Variants in SPNS2 observed in about 807,000 individuals in gnomAD.
SPNS2 encodes sphingosine-1-phosphate transporter SPNS2.
SPNS2 carries 37 observed loss-of-function variants against 57.6 expected under a neutral mutation model. The ratio of observed to expected loss-of-function variants is 0.64; its 90% CI spans 0.49 to 0.85. SPNS2 has a LOEUF of 0.85. Ranked by LOEUF, SPNS2 falls within the 40% of genes least tolerant of loss-of-function variation. SPNS2 has a pLI of 0.00. For missense variants in SPNS2, 831 were observed against 779.1 expected (o/e 1.07, Z -0.79); for synonymous variants, 440 against 346.9 (o/e 1.27, Z -2.98).
At chr17:4,502,604 C>G (rs1379576986) in intron 1 of SPNS2, among the ~76,000 whole-genome samples, 1 of 152,278 alleles carries the variant, frequency 6.6e-6, no homozygotes, top group South Asian at 2.1e-4. Context: ...GCCGTGTGAC[C>G]TTGAAGACAT....
rs932289332 is a variant in SPNS2, at chr17:4,510,061, G to T, written c.371-3186G>T. Among the ~76,000 whole-genome samples, 1 of 152,226 alleles carries T rather than the reference G, an allele frequency of 6.6e-6. No individual in the cohort carries two copies. Among genetic ancestry groups the T allele is most frequent in the South Asian group, 2.1e-4 (1 of 4,834 alleles). ...TGGAGCCCAAAGGAAAATCTGAGGCGACCCGCCGAGCTGCTGTGACACACG... is the reference window on the plus strand; with the variant it reads ...TGGAGCCCAAAGGAAAATCTGAGGCTACCCGCCGAGCTGCTGTGACACACG... On this transcript the variant is annotated intron_variant, in intron 1 of 12. Coordinates refer to ENST00000329078, the MANE Select transcript of SPNS2 (RefSeq NM_001124758.3). This position sits in a 1 kb window ranked among gnomAD's most constrained non-coding sequence, Gnocchi z 4.4.
intron 2 of SPNS2, among the ~76,000 whole-genome samples, chr17:4,514,790 C>G (rs1395787260): frequency 6.6e-6 from 1 of 152,240 alleles, no homozygotes; most frequent in Non-Finnish European, 1.5e-5. Flanking sequence ...GTGACCAGCA[C>G]TGCAGCTGGG....
rs555890176 is a variant in SPNS2 at position 4,510,914 on chromosome 17, C to T, written c.371-2333C>T. 1.1e-4 allele frequency among the ~76,000 whole-genome samples: 17 copies of T among 152,310 alleles called. No homozygotes were observed. In the East Asian group the frequency reaches 2.3e-3, roughly 21 times the overall value. ...AGCTTTGGTTTTTGGCAATAGACCT[C>T]GTTTCAGATCTCACCTCCAAAACAG... is the stretch of plus-strand genomic sequence containing the variant. On this transcript the variant is annotated intron_variant, in intron 1 of 12. Coordinates refer to ENST00000329078, the MANE Select transcript of SPNS2 (RefSeq NM_001124758.3). This position sits in a 1 kb window ranked among gnomAD's most constrained non-coding sequence, Gnocchi z 4.4.
intron 11 of SPNS2, 33 bp downstream of exon 11, chr17:4,536,459 C>A: frequency 6.3e-7 from 1 of 1,576,612 alleles, no homozygotes. Context: ...CCTGCTGCAC[C>A]GCCGGGAAGC....
intron 8 of SPNS2, 60 bp downstream of exon 8, chr17:4,533,492 G>A: frequency 6.7e-7 from 1 of 1,495,870 alleles, no homozygotes; most frequent in Non-Finnish European, 9.0e-7. Flanking sequence ...GGGAGGGTCT[G>A]GAACAGGACA....
chr17:4,538,620 CTGGTGCGGGGG>C lies in SPNS2; in HGVS notation c.*1176_*1186del. 2.1e-6 allele frequency: 1 copy of C among 471,284 alleles called. No individual in the cohort carries two copies. Among genetic ancestry groups the C allele is most frequent in the Non-Finnish European group, 3.8e-6 (1 of 261,220 alleles). 29.2% of individuals were successfully genotyped at this position (471,284 alleles called of 1,614,324 possible). A position where few individuals can be genotyped will look rare whatever the true frequency, so the allele number is the denominator to read the frequency against. On this transcript the variant is annotated 3_prime_UTR_variant, in exon 13 of 13. Transcript: ENST00000329078. ...CACTTCTGCTGCAATCAAGGTGGTT[CTGGTGCGGGGG>C]TGGGGTGGGGGGTGAGGCCTTGTGG...
chr17:4,529,680 G>GA (rs71367830), intron 3 of SPNS2, among the ~76,000 whole-genome samples: 38,938 of 150,292 alleles, frequency 0.26, 5,542 homozygotes, highest in Non-Finnish European at 0.33. Flanking sequence ...GAAAAAAGAA[G>GA]AAAAAAAAAG....
chr17:4,517,812 G>A (rs1282077954), intron 2 of SPNS2, among the ~76,000 whole-genome samples: 1 of 152,120 alleles, frequency 6.6e-6, no homozygotes, highest in Non-Finnish European at 1.5e-5. Flanking sequence ...GGACTTGTAA[G>A]ACAAGAACAG....
intron 5 of SPNS2, among the ~76,000 whole-genome samples, chr17:4,531,590 A>G (rs1256662188): frequency 6.6e-6 from 1 of 152,002 alleles, no homozygotes; most frequent in Non-Finnish European, 1.5e-5. Flanking sequence ...CGGAGGAAAC[A>G]GAGATCCCTC....
chr17:4,521,408 C>T (rs1464878577), intron 2 of SPNS2, among the ~76,000 whole-genome samples: 2 of 152,218 alleles, frequency 1.3e-5, no homozygotes, highest in Non-Finnish European at 2.9e-5. Flanking sequence ...ATAATTTCTG[C>T]CTTGACTAAT....
chr17:4,533,089 G>C lies in SPNS2; in HGVS notation c.1048G>C (p.Ala350Pro), dbSNP rs1242200049. The C allele has an allele frequency of 1.2e-6, 2 of 1,612,856 alleles. No homozygotes were observed. The highest frequency in any genetic ancestry group is 1.7e-6 in the Non-Finnish European group (2 of 1,179,704). The change falls in exon 7 of 13, where the codon GCA becomes CCA. Residue 350 changes from alanine (A) to proline (P), a missense_variant. Transcript: ENST00000329078. ...LHRAQVVQKT[A>P]ETCNSPPCGA... ...CCGCGCCCAAGTTGTGCAGAAGACA[G>C]CAGAGACGTGCAACAGCCCGCCCTG...
chr17:4,519,614 C>A (rs1342962778), intron 2 of SPNS2, among the ~76,000 whole-genome samples: 1 of 428 alleles, frequency 2.3e-3, no homozygotes, highest in African/African-American at 6.7e-3. Flanking sequence ...AGCACACCCT[C>A]CACAGGATGT....
At chr17:4,522,497 AG>A (rs774750662) in intron 2 of SPNS2, among the ~76,000 whole-genome samples, 1 of 152,184 alleles carries the variant, frequency 6.6e-6, no homozygotes, top group Non-Finnish European at 1.5e-5. Context: ...AAAGAGGGGC[AG>A]TCACTCCTCC....
Position 4,536,434 on chromosome 17 carries a change from G to GGC in SPNS2, c.1607+9_1607+10insCG. ...CGCCAGGGCTGAGCAGCAGTGAGTG[G>GGC]GGGGGAGGGGAGGCCCTGCTGCACC... On this transcript the variant is annotated intron_variant, in intron 11 of 12. Coordinates refer to ENST00000329078, the MANE Select transcript of SPNS2 (RefSeq NM_001124758.3). 1.3e-6 allele frequency: 2 copies of GGC among 1,591,404 alleles called. No individual in the cohort carries two copies. Among genetic ancestry groups the GGC allele is most frequent in the Non-Finnish European group, 1.7e-6 (2 of 1,174,370 alleles).
Position 4,530,647 on chromosome 17 carries a change from G to A in SPNS2, c.589G>A (p.Val197Ile). The stretch of plus-strand genomic sequence containing the variant: ...CTCCTCACAGTACTTCTGGCTGCTG[G>A]TCCTGTCCCGGGGGCTGGTGGGCAT... ...FIPQQYFWLL[V>I]LSRGLVGIGE... The change falls in exon 4 of 13, where the codon GTC (valine) becomes ATC (isoleucine). Residue 197 changes from valine (V) to isoleucine (I), a missense_variant. Physicochemically the swap from Val to Ile is conservative, Grantham distance 29 (BLOSUM62 3). Coordinates refer to ENST00000329078, the MANE Select transcript of SPNS2 (RefSeq NM_001124758.3). The A allele has an allele frequency of 6.2e-7, 1 of 1,612,928 alleles. No individual in the cohort carries two copies. The highest frequency in any genetic ancestry group is 8.5e-7 in the Non-Finnish European group (1 of 1,179,664).
At chr17:4,533,191 C>T (rs1905579880) in intron 7 of SPNS2, 52 bp from the exon 8 acceptor site, 2 of 1,581,616 alleles carry the variant, frequency 1.3e-6, no homozygotes, top group African/African-American at 1.3e-5. Flanking sequence ...AGCCCCTCAG[C>T]CTTAGCCCTG....
chr17:4,531,589 CAG>C (rs1437791438), intron 5 of SPNS2, among the ~76,000 whole-genome samples: 2 of 152,092 alleles, frequency 1.3e-5, no homozygotes, highest in East Asian at 1.9e-4. Flanking sequence ...TCGGAGGAAA[CAG>C]AGATCCCTCG....
At chr17:4,536,821 C>T (rs756457000) in intron 11 of SPNS2, 79 bp from the exon 12 acceptor site, 40 of 1,239,236 alleles carry the variant, frequency 3.2e-5, no homozygotes, top group East Asian at 1.4e-4. Flanking sequence ...CTGGCCCCCA[C>T]GACACGATGT....
At chr17:4,536,864 A>T (rs1483072436) in intron 11 of SPNS2, 36 bp from the exon 12 acceptor site, 2 of 1,602,472 alleles carry the variant, frequency 1.2e-6, no homozygotes, top group African/African-American at 1.3e-5. Flanking sequence ...GCCCCCGCTG[A>T]TGCACCACCC....
Sources: allele counts gnomAD v4.1 joint callset (sites outside exome capture counted in the v4.1 genomes callset), GRCh38; gene constraint gnomAD v4.1.1; non-coding constraint Gnocchi (gnomAD v3.1); transcripts MANE v1.5; gene names NCBI Gene and HGNC (gene_info 2026-07-23, HGNC 2026-07-21).